NEDD4L: variants seen among roughly 807,000 people sequenced by gnomAD.
NEDD4L encodes the protein E3 ubiquitin-protein ligase NEDD4-like.
In NEDD4L, 54 loss-of-function variants were observed where a neutral mutation model predicts 148.9. The observed-to-expected ratio is 0.36, with a 90% CI of 0.29 to 0.45. The LOEUF (loss-of-function observed/expected upper bound fraction) is 0.45. Ranked by LOEUF, NEDD4L falls within the 20% of genes least tolerant of loss-of-function variation. The pLI is 1.00. For synonymous variants in NEDD4L, 433 were observed against 440.7 expected, an observed-to-expected ratio of 0.98 and a Z score of 0.22; for missense variants, 856 against 1,233.8, an observed-to-expected ratio of 0.69 and a Z score of 4.59.
intron 1 of NEDD4L, among the ~76,000 whole-genome samples, chr18:58,142,340 G>A (rs145331374): frequency 1.2e-3 from 188 of 151,944 alleles, no homozygotes; most frequent in African/African-American, 4.2e-3. Flanking sequence ...GAACCACACC[G>A]CGCCCAGCCC....
intron 1 of NEDD4L, among the ~76,000 whole-genome samples, chr18:58,126,659 T>C (rs963679041): frequency 6.6e-6 from 1 of 152,226 alleles, no homozygotes; most frequent in Non-Finnish European, 1.5e-5. Context: ...TTACGGTAAC[T>C]CTACATTTAA....
intron 1 of NEDD4L, among the ~76,000 whole-genome samples, chr18:58,108,200 G>A (rs115368526): frequency 0.014 from 2,076 of 152,298 alleles, 38 homozygotes; most frequent in African/African-American, 0.048. Flanking sequence ...AGGCATTTGA[G>A]TCATTTATTG....
At chr18:58,156,717 A>AC (rs1163266226) in intron 1 of NEDD4L, among the ~76,000 whole-genome samples, 2 of 152,006 alleles carry the variant, frequency 1.3e-5, no homozygotes, top group Admixed American at 6.6e-5. Context: ...TGGGTTAATG[A>AC]CCGCCAGTTC....
In NEDD4L at chr18:58,161,887, G is replaced by A. The variant is rs576430271; in HGVS notation, c.49-3901G>A. Among the ~76,000 whole-genome samples, 7 of 152,206 alleles carry A rather than the reference G, an allele frequency of 4.6e-5. No individual in the cohort carries two copies. The South Asian group carries it at 1.5e-3, about 32-fold the overall frequency. The stretch of plus-strand genomic sequence containing the variant: ...TCATACCTTTTGGCCACATTCCATT[G>A]GCCAGAACTTTGTCATATGACTGCA... On this transcript the variant is annotated intron_variant, in intron 1 of 30. Coordinates refer to ENST00000400345, the MANE Select transcript of NEDD4L (RefSeq NM_001144967.3).
At chr18:58,129,937 G>A (rs545514730) in intron 1 of NEDD4L, among the ~76,000 whole-genome samples, 32 of 148,030 alleles carry the variant, frequency 2.2e-4, no homozygotes, top group South Asian at 1.1e-3. Context: ...GAACTGTGGC[G>A]GTGTTGGGCT....
At chr18:58,349,153 G>A (rs2043538279) in intron 16 of NEDD4L, among the ~76,000 whole-genome samples, 1 of 152,020 alleles carries the variant, frequency 6.6e-6, no homozygotes, top group Non-Finnish European at 1.5e-5. Context: ...GGGAGCTCGG[G>A]ACCCATGGAG....
chr18:58,396,033 G>T, intron 30 of NEDD4L, 134 bp from the exon 31 acceptor site: 1 of 578,676 alleles, frequency 1.7e-6, no homozygotes, highest in Non-Finnish European at 3.1e-6. Flanking sequence ...GAGGTTTTTG[G>T]GGTTTTTTTC....
chr18:58,235,164 AG>A (rs1176100396), intron 2 of NEDD4L, among the ~76,000 whole-genome samples: 1 of 152,086 alleles, frequency 6.6e-6, no homozygotes, highest in Non-Finnish European at 1.5e-5. Context: ...TTAAGTACAC[AG>A]GAAGTGTTTA....
chr18:58,107,223 C>T (rs1599318308), intron 1 of NEDD4L, among the ~76,000 whole-genome samples: 1 of 152,202 alleles, frequency 6.6e-6, no homozygotes, highest in Non-Finnish European at 1.5e-5. Flanking sequence ...ACTCCTTATA[C>T]AGTCACACTC....
chr18:58,343,410 A>C (rs1480012240), intron 16 of NEDD4L, among the ~76,000 whole-genome samples: 1 of 144,936 alleles, frequency 6.9e-6, no homozygotes, highest in African/African-American at 2.9e-5. Context: ...TTGTTAATTG[A>C]TCCCGTCTCA....
At chr18:58,171,929 C>T (rs1860009282) in intron 2 of NEDD4L, among the ~76,000 whole-genome samples, 1 of 152,310 alleles carries the variant, frequency 6.6e-6, no homozygotes, top group East Asian at 1.9e-4. Context: ...AGGCAAGGAA[C>T]AGTCTCCATT....
intron 5 of NEDD4L, among the ~76,000 whole-genome samples, chr18:58,264,003 T>G (rs1291326692): frequency 6.6e-6 from 1 of 152,122 alleles, no homozygotes; most frequent in African/African-American, 2.4e-5. Flanking sequence ...TTAAAATGCC[T>G]TAAGCATAGT....
At chr18:58,358,114 T>G (rs1369262770) in intron 19 of NEDD4L, among the ~76,000 whole-genome samples, 2 of 152,214 alleles carry the variant, frequency 1.3e-5, no homozygotes, top group Admixed American at 1.3e-4. Context: ...GTAGGTAGAT[T>G]TAAAATTCCA....
At chr18:58,204,713 T>C (rs1186113538) in intron 2 of NEDD4L, among the ~76,000 whole-genome samples, 1 of 152,198 alleles carries the variant, frequency 6.6e-6, no homozygotes, top group Non-Finnish European at 1.5e-5. Flanking sequence ...TAAAAATAAG[T>C]TTAGATAGTC....
At chr18:58,257,607 A>G (rs896932233) in intron 5 of NEDD4L, among the ~76,000 whole-genome samples, 6 of 152,172 alleles carry the variant, frequency 3.9e-5, no homozygotes, top group African/African-American at 1.4e-4. Flanking sequence ...CTGTGGAGAA[A>G]TAGACGCCTT....
chr18:58,309,332 C>T (rs370936582), intron 5 of NEDD4L, among the ~76,000 whole-genome samples: 1 of 152,164 alleles, frequency 6.6e-6, no homozygotes, highest in African/African-American at 2.4e-5. Context: ...CTTGAAGTTA[C>T]GTCCTGCACA....
intron 2 of NEDD4L, among the ~76,000 whole-genome samples, chr18:58,233,371 T>C (rs550490407): frequency 1.3e-5 from 2 of 152,276 alleles, no homozygotes; most frequent in South Asian, 4.1e-4. Context: ...CTCACAATCA[T>C]GGTAGAAGGC....
intron 1 of NEDD4L, among the ~76,000 whole-genome samples, chr18:58,132,624 G>T (rs1455183360): frequency 6.6e-6 from 1 of 152,176 alleles, no homozygotes; most frequent in Non-Finnish European, 1.5e-5. Context: ...GAGTTGCCGT[G>T]AAGTTTAATG....
At chr18:58,141,140 C>T (rs766997070) in intron 1 of NEDD4L, among the ~76,000 whole-genome samples, 1 of 152,158 alleles carries the variant, frequency 6.6e-6, no homozygotes, top group Non-Finnish European at 1.5e-5. Context: ...GCACCCAGCA[C>T]GGGGTGGCTG....
Sources: gnomAD v4.1 joint callset for allele counts (sites outside exome capture counted in the v4.1 genomes callset) on GRCh38, gnomAD v4.1.1 for gene constraint, MANE v1.5 for transcripts, NCBI Gene and HGNC (gene_info 2026-07-23, HGNC 2026-07-21) for gene names.